Variants in FAT3 observed in about 807,000 individuals in gnomAD.
The protein encoded by FAT3 is FAT atypical cadherin 3.
In FAT3, 95 loss-of-function variants were observed where a neutral mutation model predicts 310.2. The observed-to-expected ratio is 0.31, with a 90% CI of 0.26 to 0.36. FAT3 has a LOEUF of 0.36. Ranked by LOEUF, FAT3 falls within the 10% of genes least tolerant of loss-of-function variation. The probability of loss-of-function intolerance (pLI) is 1.00; values close to 1 mark genes in which losing one functional copy is unlikely to be tolerated. For synonymous variants in FAT3, 2,314 were observed against 2,192.9 expected, an observed-to-expected ratio of 1.06 and a Z score of -1.54; for missense variants, 5,408 against 5,715.6, an observed-to-expected ratio of 0.95 and a Z score of 1.74.
chr11:92,760,618 T>C (rs1246166369), intron 4 of FAT3, among the ~76,000 whole-genome samples: 1 of 152,252 alleles, frequency 6.6e-6, no homozygotes, highest in Non-Finnish European at 1.5e-5. Context: ...AACAATGATC[T>C]GTTTTGAGCC....
chr11:92,304,161 A>G (rs969515293), intron 1 of FAT3, among the ~76,000 whole-genome samples: 4 of 151,936 alleles, frequency 2.6e-5, no homozygotes, highest in South Asian at 4.1e-4. Flanking sequence ...ACACCTCTCC[A>G]TGAGTGCTTA....
In FAT3 at chr11:92,669,276, A is replaced by C. The variant is rs567936082; in HGVS notation, c.3608-28108A>C. On this transcript the variant is annotated intron_variant, in intron 3 of 27. Transcript: ENST00000525166. ...GGCTTCAGACAGATCCCGGCTCCAA[A>C]GTTTTCTAGCTTTGTGATCTCACAA... 2.6e-5 allele frequency among the ~76,000 whole-genome samples: 4 copies of C among 152,296 alleles called. No individual in the cohort carries two copies. The South Asian group carries it at 8.3e-4, about 32-fold the overall frequency.
chr11:92,466,068 C>G (rs1365286085), intron 2 of FAT3, among the ~76,000 whole-genome samples: 1 of 152,100 alleles, frequency 6.6e-6, no homozygotes, highest in Non-Finnish European at 1.5e-5. Flanking sequence ...ATTGTCCTAC[C>G]TTCCAGATGG....
intron 3 of FAT3, among the ~76,000 whole-genome samples, chr11:92,567,614 T>C (rs539845515): frequency 6.6e-6 from 1 of 151,904 alleles, no homozygotes; most frequent in Non-Finnish European, 1.5e-5. Flanking sequence ...CTATTCACAA[T>C]AGCAAAGACT....
chr11:92,588,124 C>G (rs1232009533), intron 3 of FAT3, among the ~76,000 whole-genome samples: 3 of 151,960 alleles, frequency 2.0e-5, no homozygotes, highest in African/African-American at 7.2e-5. Context: ...CAAGTTCTGA[C>G]CTTTACCAAT....
intron 22 of FAT3, among the ~76,000 whole-genome samples, chr11:92,868,701 T>C (rs1238417869): frequency 6.6e-6 from 1 of 152,238 alleles, no homozygotes; most frequent in Non-Finnish European, 1.5e-5. Context: ...GCTATGGGCT[T>C]CCACAATGGA....
At chr11:92,239,950 G>A (rs928280211) in intron 1 of FAT3, among the ~76,000 whole-genome samples, 2 of 152,058 alleles carry the variant, frequency 1.3e-5, no homozygotes, top group African/African-American at 2.4e-5. Context: ...TAATTTCATT[G>A]CCTGAAGTAG....
chr11:92,310,814 T>A (rs963836506), intron 1 of FAT3, among the ~76,000 whole-genome samples: 18 of 151,954 alleles, frequency 1.2e-4, no homozygotes, highest in Non-Finnish European at 2.5e-4. Flanking sequence ...TCATGACGAG[T>A]AGTTTCATGG....
chr11:92,818,958 A>G (rs1281471326), intron 13 of FAT3, among the ~76,000 whole-genome samples: 1 of 152,204 alleles, frequency 6.6e-6, no homozygotes, highest in African/African-American at 2.4e-5. Flanking sequence ...TTAAATGATA[A>G]TCATAATATG....
chr11:92,694,413 G>A lies in FAT3; in HGVS notation c.3608-2971G>A, dbSNP rs150701213. 1.2e-3 allele frequency among the ~76,000 whole-genome samples: 189 copies of A among 152,302 alleles called. 1 individual carries two copies. Among genetic ancestry groups the A allele is most frequent in the Non-Finnish European group, 2.3e-3 (155 of 68,034 alleles). On this transcript the variant is annotated intron_variant, in intron 3 of 27. Coordinates refer to ENST00000525166, the MANE Select transcript of FAT3 (RefSeq NM_001367949.2). ...CTCACAGCTCCAAGTTCACTGTTGT[G>A]TATGTTGTTTCAGACTTTTCAGGAA...
At chr11:92,584,590 A>T (rs1478318436) in intron 3 of FAT3, among the ~76,000 whole-genome samples, 1 of 151,620 alleles carries the variant, frequency 6.6e-6, no homozygotes. Context: ...AGTACCATCT[A>T]TTTTTGAAAC....
chr11:92,314,026 A>G (rs1391856280), intron 1 of FAT3, among the ~76,000 whole-genome samples: 1 of 152,236 alleles, frequency 6.6e-6, no homozygotes, highest in Non-Finnish European at 1.5e-5. Flanking sequence ...ATGCTGTAGC[A>G]TTGTTTGTTA....
chr11:92,447,157 G>C (rs1565324114), intron 2 of FAT3, among the ~76,000 whole-genome samples: 2 of 151,996 alleles, frequency 1.3e-5, no homozygotes, highest in African/African-American at 2.4e-5. Flanking sequence ...TGCCATATGT[G>C]TGTATGTATG....
At chr11:92,333,507 G>C (rs929238552) in intron 1 of FAT3, among the ~76,000 whole-genome samples, 1 of 152,118 alleles carries the variant, frequency 6.6e-6, no homozygotes, top group Non-Finnish European at 1.5e-5. Flanking sequence ...CTGTCTCTCT[G>C]CACCTTGCCT....
chr11:92,310,655 G>GTA (rs60590209), intron 1 of FAT3, among the ~76,000 whole-genome samples: 5 of 151,760 alleles, frequency 3.3e-5, no homozygotes, highest in East Asian at 1.9e-4. Flanking sequence ...ACGTGTGTGT[G>GTA]TATATATATA....
intron 3 of FAT3, among the ~76,000 whole-genome samples, chr11:92,688,170 G>T (rs1312616756): frequency 1.3e-5 from 2 of 152,004 alleles, no homozygotes; most frequent in East Asian, 3.9e-4. Flanking sequence ...ACTGCACTCA[G>T]CCTGGATGAC....
chr11:92,726,504 G>GTA (rs1416203878), intron 4 of FAT3, among the ~76,000 whole-genome samples: 3 of 152,098 alleles, frequency 2.0e-5, no homozygotes, highest in Non-Finnish European at 4.4e-5. Context: ...TGAATGGTTA[G>GTA]TAAAAGAATG....
rs1235508086 is a variant in FAT3 at position 92,859,205 on chromosome 11, A to T, written c.11541A>T (p.Lys3847Asn). Residue 3847 changes from lysine (K) to asparagine (N), a missense_variant, in exon 21 of 28, where the codon AAA becomes AAT. Transcript: ENST00000525166. ...SLSFAGNSYIKYRLSENSKEE... is the reference protein window; with the variant it reads ...SLSFAGNSYINYRLSENSKEE... ...GCTTTGCTGGAAACAGTTACATCAA[A>T]TATCGGCTTTCTGAAAATAGCAAAG... 1 of 1,613,886 alleles carries T rather than the reference A, an allele frequency of 6.2e-7. No individual in the cohort carries two copies. Among genetic ancestry groups the T allele is most frequent in the Admixed American group, 1.7e-5 (1 of 60,016 alleles).
chr11:92,709,776 A>G (rs78731581), intron 4 of FAT3, among the ~76,000 whole-genome samples: 1 of 152,348 alleles, frequency 6.6e-6, no homozygotes, highest in East Asian at 1.9e-4. Flanking sequence ...GCCAGCTGAT[A>G]TGCAGAACAG....
Sources: allele counts gnomAD v4.1 joint callset (sites outside exome capture counted in the v4.1 genomes callset), GRCh38; gene constraint gnomAD v4.1.1; transcripts MANE v1.5; gene names NCBI Gene and HGNC (gene_info 2026-07-23, HGNC 2026-07-21).